Variants in UMAD1 observed in about 807,000 individuals in gnomAD.
The protein encoded by UMAD1 is UBAP1-MVB12-associated (UMA) domain containing 1.
Under a neutral mutation model 6.1 loss-of-function variants are expected in UMAD1, and 8 were observed. The observed-to-expected ratio is 1.30, with a 90% CI of 0.76 to 2.35. UMAD1 has a LOEUF of 2.35. Among genes scored for constraint, UMAD1 ranks in the 30% most tolerant of loss-of-function variants. The pLI is 0.00. For missense variants in UMAD1, 130 were observed against 78.4 expected (o/e 1.66, Z -2.49); for synonymous variants, 56 against 31.4 (o/e 1.78, Z -2.61).
intron 3 of UMAD1, among the ~76,000 whole-genome samples, chr7:7,873,106 A>G (rs1346572774): frequency 4.1e-4 from 62 of 152,208 alleles, no homozygotes; most frequent in Non-Finnish European, 1.5e-5. Context: ...GCATTTAACA[A>G]TCCTATGAAA....
At chr7:7,754,304 T>C (rs1004229429) in intron 2 of UMAD1, among the ~76,000 whole-genome samples, 1 of 152,198 alleles carries the variant, frequency 6.6e-6, no homozygotes, top group African/African-American at 2.4e-5. Flanking sequence ...CCATTTTAAC[T>C]CAGGTGACAT....
intron 3 of UMAD1, among the ~76,000 whole-genome samples, chr7:7,870,173 C>A (rs1784308224): frequency 6.6e-6 from 1 of 152,104 alleles, no homozygotes; most frequent in Admixed American, 6.5e-5. Flanking sequence ...CAGCTTATAA[C>A]AGCAAACTTT....
intron 3 of UMAD1, among the ~76,000 whole-genome samples, chr7:7,822,905 G>A (rs565683923): frequency 1.3e-5 from 2 of 151,912 alleles, no homozygotes; most frequent in East Asian, 3.9e-4. Flanking sequence ...GGTGACATGT[G>A]TTTAGAAAAA....
intron 2 of UMAD1, chr7:7,741,183 CA>C (rs1563169129): frequency 1.3e-5 from 2 of 151,906 alleles, no homozygotes; most frequent in African/African-American, 4.8e-5. Flanking sequence ...GGCAGTAATT[CA>C]GGGAGTAAGT....
chr7:7,640,810 G>A lies in UMAD1; in HGVS notation c.-75G>A, dbSNP rs540630676. 4.1e-4 allele frequency: 84 copies of A among 204,924 alleles called. No homozygotes were observed. In the South Asian group the frequency reaches 5.2e-3, roughly 13 times the overall value. 12.7% of individuals were successfully genotyped at this position (204,924 alleles called of 1,614,324 possible). A position where few individuals can be genotyped will look rare whatever the true frequency, so the allele number is the denominator to read the frequency against. On this transcript the variant is annotated 5_prime_UTR_variant, in exon 1 of 4. Transcript: ENST00000682710. ...GTGCTGGTGCGGCGGGGGACTGCGG[G>A]GCCAGCCTCAGGTACCTCGTCTCGC...
chr7:7,790,487 C>T (rs1399532155), intron 2 of UMAD1, among the ~76,000 whole-genome samples: 1 of 152,206 alleles, frequency 6.6e-6, no homozygotes, highest in Non-Finnish European at 1.5e-5. Flanking sequence ...TAACCCTAAA[C>T]TTGGATTCAG....
chr7:7,699,275 TA>T (rs1161612273), intron 2 of UMAD1, among the ~76,000 whole-genome samples: 1 of 152,204 alleles, frequency 6.6e-6, no homozygotes, highest in Non-Finnish European at 1.5e-5. Flanking sequence ...ATAACAGATT[TA>T]ATTTTTAGTT....
At chr7:7,663,490 A>G (rs1326398564) in intron 1 of UMAD1, among the ~76,000 whole-genome samples, 1 of 152,310 alleles carries the variant, frequency 6.6e-6, no homozygotes, top group Non-Finnish European at 1.5e-5. Context: ...ACTACAAAAT[A>G]AAAAACCTAG....
At chr7:7,650,738 C>T (rs1785206618) in intron 1 of UMAD1, among the ~76,000 whole-genome samples, 1 of 152,208 alleles carries the variant, frequency 6.6e-6, no homozygotes, top group Non-Finnish European at 1.5e-5. Flanking sequence ...ATCCTGAACC[C>T]AGAATGGTCC....
chr7:7,648,233 A>C (rs1003476693), intron 1 of UMAD1, among the ~76,000 whole-genome samples: 1 of 152,196 alleles, frequency 6.6e-6, no homozygotes, highest in Admixed American at 6.5e-5. Context: ...TTCCTTTCTA[A>C]GAGAGCACTA....
At chr7:7,758,341 C>T (rs1443219586) in intron 2 of UMAD1, among the ~76,000 whole-genome samples, 1 of 151,840 alleles carries the variant, frequency 6.6e-6, no homozygotes, top group Non-Finnish European at 1.5e-5. Flanking sequence ...ATCTTTATTT[C>T]CCTCTGTTTA....
intron 2 of UMAD1, among the ~76,000 whole-genome samples, chr7:7,717,521 G>A (rs1780948799): frequency 6.6e-6 from 1 of 152,150 alleles, no homozygotes; most frequent in Non-Finnish European, 1.5e-5. Context: ...TTATTGTTTT[G>A]AAGTAAAATG....
At chr7:7,811,941 C>T (rs1783028493) in intron 3 of UMAD1, among the ~76,000 whole-genome samples, 1 of 152,134 alleles carries the variant, frequency 6.6e-6, no homozygotes, top group African/African-American at 2.4e-5. Flanking sequence ...ACTTATTTTA[C>T]AGTAAGATTA....
In UMAD1 at chr7:7,759,651, A is replaced by T. The variant is rs551919090; in HGVS notation, c.83-42019A>T. Among the ~76,000 whole-genome samples, 63 of 152,356 alleles carry T rather than the reference A, an allele frequency of 4.1e-4. No homozygotes were observed. The South Asian group carries it at 4.6e-3, about 11-fold the overall frequency. ...AACGAGATTAAAACTGACTGAAAGG[A>T]TCTAGGAAGGAGTCTTGGAGGAAGG... On this transcript the variant is annotated intron_variant, in intron 2 of 3. Coordinates refer to ENST00000682710, the MANE Select transcript of UMAD1 (RefSeq NM_001302348.2).
At chr7:7,684,761 G>A (rs966503167) in intron 2 of UMAD1, among the ~76,000 whole-genome samples, 3 of 152,106 alleles carry the variant, frequency 2.0e-5, no homozygotes, top group Non-Finnish European at 4.4e-5. Context: ...ATTAACACCC[G>A]TAAACTTTTC....
intron 2 of UMAD1, among the ~76,000 whole-genome samples, chr7:7,675,617 T>C (rs1779718920): frequency 6.6e-6 from 1 of 152,184 alleles, no homozygotes; most frequent in African/African-American, 2.4e-5. Context: ...AAGAAGGAAT[T>C]TCCGGGACCT....
intron 2 of UMAD1, chr7:7,738,981 G>A (rs1781411052): frequency 6.6e-6 from 1 of 152,170 alleles, no homozygotes; most frequent in Non-Finnish European, 1.5e-5. Flanking sequence ...CTGTTGTTTG[G>A]ATTCTTGAAA....
intron 2 of UMAD1, among the ~76,000 whole-genome samples, chr7:7,741,494 G>A (rs1004367257): frequency 6.6e-6 from 1 of 151,310 alleles, no homozygotes; most frequent in Non-Finnish European, 1.5e-5. Context: ...GGAGAATGGC[G>A]TGAACCCAGG....
rs1402529669 is a variant in UMAD1 at position 7,766,274 on chromosome 7, C to G, written c.83-35396C>G. ...AGTTATTGCTTATTCCAGGCATGCC[C>G]AATGACATGCTATTTATTACTTCTT... is the stretch of plus-strand genomic sequence containing the variant. On this transcript the variant is annotated intron_variant, in intron 2 of 3. Coordinates refer to ENST00000682710, the MANE Select transcript of UMAD1 (RefSeq NM_001302348.2). 3.3e-5 allele frequency among the ~76,000 whole-genome samples: 5 copies of G among 152,140 alleles called. No individual in the cohort carries two copies. The South Asian group carries it at 8.3e-4, about 25-fold the overall frequency.
Sources: allele counts gnomAD v4.1 joint callset (sites outside exome capture counted in the v4.1 genomes callset), GRCh38; gene constraint gnomAD v4.1.1; transcripts MANE v1.5; gene names NCBI Gene and HGNC (gene_info 2026-07-23, HGNC 2026-07-21).